UTS2B: variants seen among roughly 807,000 people sequenced by gnomAD.
The protein encoded by UTS2B is urotensin 2B.
UTS2B carries 21 observed loss-of-function variants against 19.2 expected under a neutral mutation model. The ratio of observed to expected loss-of-function variants is 1.09; its 90% confidence interval spans 0.78 to 1.58. UTS2B has a LOEUF of 1.58. Ranked by LOEUF, UTS2B falls within the 40% of genes most tolerant of loss-of-function variation. The probability of loss-of-function intolerance (pLI) is 0.00; values close to 1 mark genes in which losing one functional copy is unlikely to be tolerated. For missense variants in UTS2B, 138 were observed against 130.3 expected (o/e 1.06, Z -0.29); for synonymous variants, 57 against 50.2 (o/e 1.14, Z -0.58).
At chr3:191,310,213 G>A (rs1038663231) in intron 3 of UTS2B, among the ~76,000 whole-genome samples, 8 of 151,394 alleles carry the variant, frequency 5.3e-5, no homozygotes, top group Middle Eastern at 3.4e-3. Flanking sequence ...TGATCCCCCC[G>A]CCTCAGCCTC....
intron 4 of UTS2B, among the ~76,000 whole-genome samples, chr3:191,294,247 G>C (rs1251573704): frequency 6.6e-6 from 1 of 151,920 alleles, no homozygotes; most frequent in Non-Finnish European, 1.5e-5. Flanking sequence ...ACATTATTTA[G>C]AATCATTACC....
intron 4 of UTS2B, among the ~76,000 whole-genome samples, chr3:191,286,823 T>C (rs979381598): frequency 8.8e-6 from 1 of 113,102 alleles, no homozygotes; most frequent in Admixed American, 9.8e-5. Context: ...GCAAAGTAAA[T>C]AGGACTTGTT....
chr3:191,278,033 T>C lies in UTS2B; in HGVS notation c.202+39A>G, dbSNP rs762065458. 6 of 1,105,512 alleles carry C rather than the reference T, an allele frequency of 5.4e-6. No individual in the cohort carries two copies. The African/African-American group carries it at 8.2e-5, about 15-fold the overall frequency. The allele number at this position is 1,105,512 out of a possible 1,614,324, so 68.5% of individuals were successfully genotyped here. On this transcript the variant is annotated intron_variant, in intron 6 of 8. Transcript: ENST00000340524. ...AGTCTCAAGACAAAATAAATTGTTA[T>C]TTTTTAATAAATAGAGCTTGACTTT...
chr3:191,306,747 C>T (rs769311110), intron 3 of UTS2B, among the ~76,000 whole-genome samples: 1 of 152,200 alleles, frequency 6.6e-6, no homozygotes, highest in African/African-American at 2.4e-5. Context: ...AATTCTCCTG[C>T]CTCAGCCTCC....
Position 191,278,178 on chromosome 3 carries a change from G to A in UTS2B, c.104-8C>T, listed in dbSNP as rs753428931. 5.6e-6 allele frequency: 8 copies of A among 1,428,634 alleles called. No individual in the cohort carries two copies. The African/African-American group carries it at 8.7e-5, about 16-fold the overall frequency. 88.5% of individuals were successfully genotyped at this position (1,428,634 alleles called of 1,614,324 possible). A position where few individuals can be genotyped will look rare whatever the true frequency, so the allele number is the denominator to read the frequency against. The stretch of plus-strand genomic sequence containing the variant: ...CTGGAAATATTTCATTTCCTATAAT[G>A]ATCAAAAACCACCATTTTCAATTTG... On this transcript the variant is annotated splice_polypyrimidine_tract_variant and splice_region_variant and intron_variant, in intron 5 of 8. Transcript: ENST00000340524.
intron 8 of UTS2B, among the ~76,000 whole-genome samples, chr3:191,273,732 C>T (rs184339275): frequency 1.3e-5 from 2 of 151,492 alleles, no homozygotes; most frequent in East Asian, 3.9e-4. Flanking sequence ...TTCTCTTGTA[C>T]TTTCTTCTCC....
In UTS2B at chr3:191,292,401, T is replaced by G. The variant is rs1462625773; in HGVS notation, c.-124-10088A>C. Among the ~76,000 whole-genome samples the G allele has an allele frequency of 5.3e-5, 8 of 152,320 alleles. No individual in the cohort carries two copies. In the East Asian group the frequency reaches 1.5e-3, roughly 29 times the overall value. ...TACTTTCTTAATTTTATTTTTTGCG[T>G]TGTTCTTTGCTAGGACATGAAATTG... is the stretch of plus-strand genomic sequence containing the variant. On this transcript the variant is annotated intron_variant, in intron 4 of 8. Coordinates refer to ENST00000340524, the MANE Select transcript of UTS2B (RefSeq NM_198152.5).
intron 4 of UTS2B, among the ~76,000 whole-genome samples, chr3:191,284,810 T>A (rs1716490290): frequency 6.6e-6 from 1 of 151,990 alleles, no homozygotes; most frequent in African/African-American, 2.4e-5. Context: ...TTTTAGGTAA[T>A]ATTGGCAAAG....
Position 191,268,365 on chromosome 3 carries a change from A to G in UTS2B, c.*51T>C. 1 of 1,385,402 alleles carries G rather than the reference A, an allele frequency of 7.2e-7. No homozygotes were observed. The highest frequency in any genetic ancestry group is 1.0e-6 in the Non-Finnish European group (1 of 993,322). 85.8% of individuals were successfully genotyped at this position (1,385,402 alleles called of 1,614,324 possible). On this transcript the variant is annotated 3_prime_UTR_variant, in exon 9 of 9. Transcript: ENST00000340524. ...TCTGCCTACAGCAGAGTGAGTAGATACATATATTTTCCTGATATTCTTATC... is the reference window on the plus strand; with the variant it reads ...TCTGCCTACAGCAGAGTGAGTAGATGCATATATTTTCCTGATATTCTTATC...
intron 8 of UTS2B, among the ~76,000 whole-genome samples, chr3:191,271,841 C>T (rs535149585): frequency 3.9e-5 from 6 of 152,306 alleles, no homozygotes; most frequent in African/African-American, 1.4e-4. Context: ...CAGATTCATA[C>T]ATCTAATCTT....
At chr3:191,306,804 T>G (rs1322992575) in intron 3 of UTS2B, among the ~76,000 whole-genome samples, 1 of 152,180 alleles carries the variant, frequency 6.6e-6, no homozygotes, top group East Asian at 1.9e-4. Context: ...AGCTAATTTT[T>G]GTATTTTAGT....
At chr3:191,276,311 GA>G (rs1272094869) in intron 7 of UTS2B, among the ~76,000 whole-genome samples, 1 of 152,272 alleles carries the variant, frequency 6.6e-6, no homozygotes, top group African/African-American at 2.4e-5. Flanking sequence ...ATTGCACGGA[GA>G]AAAGGGTGTT....
chr3:191,337,498 C>T, the UTS2B span, among the ~76,000 whole-genome samples: 1 of 151,972 alleles, frequency 6.6e-6, no homozygotes, highest in East Asian at 1.9e-4. Context: ...TTGCCCGCCA[C>T]TATGCCCAGC....
intron 8 of UTS2B, among the ~76,000 whole-genome samples, chr3:191,274,615 ATCT>A (rs1716179900): frequency 6.6e-6 from 1 of 152,230 alleles, no homozygotes; most frequent in Admixed American, 6.5e-5. Flanking sequence ...ACACTGGTTC[ATCT>A]TCTTCCCTCA....
chr3:191,304,085 A>G (rs763384113), intron 4 of UTS2B, among the ~76,000 whole-genome samples: 4 of 151,802 alleles, frequency 2.6e-5, no homozygotes, highest in Non-Finnish European at 5.9e-5. Context: ...TTCTCCTACC[A>G]TAGCTGGGAT....
At chr3:191,343,361 TTG>T in the UTS2B span, among the ~76,000 whole-genome samples, 6 of 152,366 alleles carry the variant, frequency 3.9e-5, no homozygotes, top group African/African-American at 1.4e-4. Context: ...TGCTGCTTCC[TTG>T]TGCAATAAAT....
chr3:191,346,066 CTCT>C, the UTS2B span, among the ~76,000 whole-genome samples: 3 of 152,132 alleles, frequency 2.0e-5, no homozygotes, highest in African/African-American at 4.8e-5. Context: ...TTTCATATTT[CTCT>C]TCTTACATTG....
At chr3:191,316,611 C>T (rs567003979) in intron 2 of UTS2B, among the ~76,000 whole-genome samples, 172 bp from the exon 3 acceptor site, 88 of 152,312 alleles carry the variant, frequency 5.8e-4, no homozygotes, top group African/African-American at 1.9e-3. Flanking sequence ...CGGATTGGTC[C>T]ATTTTGACAG....
the UTS2B span, among the ~76,000 whole-genome samples, chr3:191,337,046 C>T: frequency 2.0e-5 from 3 of 151,566 alleles, no homozygotes; most frequent in African/African-American, 7.3e-5. Flanking sequence ...GGAACATAGC[C>T]ATACTTATTC....
Sources: gnomAD v4.1 joint callset for allele counts (sites outside exome capture counted in the v4.1 genomes callset) on GRCh38, gnomAD v4.1.1 for gene constraint, MANE v1.5 for transcripts, NCBI Gene and HGNC (gene_info 2026-07-23, HGNC 2026-07-21) for gene names.